Variants in LAMA2 observed in about 807,000 individuals in gnomAD.
The protein encoded by LAMA2 is laminin subunit alpha 2.
A neutral mutation model predicts 364.8 loss-of-function variants in LAMA2; 269 were observed. That is an observed-to-expected ratio of 0.74 (90% CI 0.67 to 0.82). The LOEUF (loss-of-function observed/expected upper bound fraction) is 0.82, where lower values mean the gene tolerates loss of function less well. LAMA2 is among the 40% of genes least tolerant of loss of function. The probability of loss-of-function intolerance (pLI) is 0.00; values close to 1 mark genes in which losing one functional copy is unlikely to be tolerated. For missense variants in LAMA2, 3,807 were observed against 3,873.2 expected, an observed-to-expected ratio of 0.98 and a Z score of 0.45; for synonymous variants, 1,379 against 1,370.6, an observed-to-expected ratio of 1.01 and a Z score of -0.14.
At chr6:129,376,653 A>T (rs1409468376) in intron 34 of LAMA2, among the ~76,000 whole-genome samples, 1 of 151,914 alleles carries the variant, frequency 6.6e-6, no homozygotes, top group African/African-American at 2.4e-5. Context: ...ATTGCCACAC[A>T]TTTCTTTATT....
At chr6:129,446,024 A>G (rs1350701301) in intron 45 of LAMA2, among the ~76,000 whole-genome samples, 1 of 152,184 alleles carries the variant, frequency 6.6e-6, no homozygotes, top group Non-Finnish European at 1.5e-5. Context: ...TTTCATGAGA[A>G]TGATAATCAC....
intron 27 of LAMA2, among the ~76,000 whole-genome samples, chr6:129,317,854 G>A (rs1188721379): frequency 6.6e-6 from 1 of 151,096 alleles, no homozygotes; most frequent in Non-Finnish European, 1.5e-5. Flanking sequence ...TACTTTCTTT[G>A]CTTCTCTCAC....
At chr6:129,323,897 G>A (rs1328874777) in intron 28 of LAMA2, among the ~76,000 whole-genome samples, 2 of 152,212 alleles carry the variant, frequency 1.3e-5, no homozygotes, top group East Asian at 1.9e-4. Context: ...TTGAATGGCC[G>A]GTGTCTATTG....
chr6:128,959,154 A>G (rs1430442613), intron 1 of LAMA2, among the ~76,000 whole-genome samples: 1 of 152,186 alleles, frequency 6.6e-6, no homozygotes, highest in Non-Finnish European at 1.5e-5. Flanking sequence ...AGTTTACTAC[A>G]TACATTTTAC....
intron 1 of LAMA2, among the ~76,000 whole-genome samples, chr6:129,041,817 A>G (rs550286174): frequency 6.6e-6 from 1 of 152,206 alleles, no homozygotes; most frequent in South Asian, 2.1e-4. Flanking sequence ...AGCATGGGCA[A>G]CATAGTGAGA....
intron 56 of LAMA2, among the ~76,000 whole-genome samples, chr6:129,488,285 G>A (rs570204493): frequency 5.3e-5 from 8 of 152,202 alleles, no homozygotes; most frequent in Admixed American, 5.2e-4. Context: ...ACTCCAGCCT[G>A]GGCAACAGAG....
At chr6:129,016,683 G>T (rs1338642528) in intron 1 of LAMA2, among the ~76,000 whole-genome samples, 2 of 151,828 alleles carry the variant, frequency 1.3e-5, no homozygotes, top group Non-Finnish European at 2.9e-5. Flanking sequence ...TTTGGAAAGG[G>T]TAGAGATAGG....
At chr6:129,436,819 T>C (rs565166483) in intron 41 of LAMA2, 1 of 152,306 alleles carries the variant, frequency 6.6e-6, no homozygotes, top group Admixed American at 6.5e-5. Context: ...CATAAATGAT[T>C]ATGTATGTTT....
chr6:129,161,837 CT>C (rs762947334), intron 8 of LAMA2, among the ~76,000 whole-genome samples: 2 of 152,104 alleles, frequency 1.3e-5, no homozygotes, highest in African/African-American at 4.8e-5. Flanking sequence ...TGATTTTATT[CT>C]TTTTTATGGC....
Position 129,040,463 on chromosome 6 carries a change from T to TA in LAMA2, c.113-9445dup, listed in dbSNP as rs758637430. On this transcript the variant is annotated intron_variant, in intron 1 of 64. Transcript: ENST00000421865. ...GAGCAAGATCCATCTTTACAATAAT[T>TA]AAAAAAAAAATAGAAATTAGCTGTA... is the stretch of plus-strand genomic sequence containing the variant. Among the ~76,000 whole-genome samples, 586 of 148,914 alleles carry TA rather than the reference T, an allele frequency of 3.9e-3. 5 individuals carry two copies. The highest frequency in any genetic ancestry group is 5.2e-3 in the Non-Finnish European group (346 of 67,002).
At chr6:129,366,191 A>G (rs753956249) in intron 32 of LAMA2, 28 bp from the exon 33 acceptor site, 7 of 1,612,654 alleles carry the variant, frequency 4.3e-6, no homozygotes, top group South Asian at 3.3e-5. Flanking sequence ...AGCAGAAGTA[A>G]CTACTCTTTG....
chr6:129,134,830 T>C (rs1777688270), intron 4 of LAMA2, among the ~76,000 whole-genome samples: 1 of 152,170 alleles, frequency 6.6e-6, no homozygotes, highest in Non-Finnish European at 1.5e-5. Flanking sequence ...AGCCCTCAAC[T>C]CTTAGGCATG....
intron 12 of LAMA2, among the ~76,000 whole-genome samples, chr6:129,230,195 G>A (rs1374436908): frequency 6.6e-6 from 1 of 152,110 alleles, no homozygotes; most frequent in Non-Finnish European, 1.5e-5. Context: ...AAAGTAGAAG[G>A]AAAACCACAG....
At chr6:129,362,300 T>A (rs1438106981) in intron 32 of LAMA2, among the ~76,000 whole-genome samples, 1 of 152,168 alleles carries the variant, frequency 6.6e-6, no homozygotes, top group Non-Finnish European at 1.5e-5. Context: ...TCTCTTTCTG[T>A]CTCTAAACCA....
chr6:129,059,306 G>A (rs10499147), intron 2 of LAMA2, among the ~76,000 whole-genome samples: 39,799 of 151,842 alleles, frequency 0.26, 5,362 homozygotes, highest in African/African-American at 0.31. Flanking sequence ...GACTCCCTAC[G>A]TCTTAATAAT....
chr6:129,489,876 G>C (rs1321094216), intron 56 of LAMA2, among the ~76,000 whole-genome samples: 4 of 151,676 alleles, frequency 2.6e-5, no homozygotes, highest in Non-Finnish European at 4.4e-5. Context: ...ATAAGAAATA[G>C]GGTATAAGTA....
intron 54 of LAMA2, 120 bp downstream of exon 54, chr6:129,478,933 TCTTAAACGA>T (rs1784220357): frequency 2.3e-6 from 2 of 873,542 alleles, no homozygotes; most frequent in Admixed American, 3.6e-5. Flanking sequence ...CTGATCCTAC[TCTTAAACGA>T]TAAAGCAAGA....
At chr6:129,078,934 T>C (rs1431657832) in intron 3 of LAMA2, among the ~76,000 whole-genome samples, 1 of 152,218 alleles carries the variant, frequency 6.6e-6, no homozygotes, top group South Asian at 2.1e-4. Flanking sequence ...CAACATAGTG[T>C]CTTCGAGATT....
intron 62 of LAMA2, among the ~76,000 whole-genome samples, chr6:129,510,292 C>A (rs1227328894): frequency 6.6e-6 from 1 of 152,096 alleles, no homozygotes; most frequent in Non-Finnish European, 1.5e-5. Flanking sequence ...ATACAAAAAT[C>A]AGTAACATTT....
Sources: allele counts gnomAD v4.1 joint callset (sites outside exome capture counted in the v4.1 genomes callset), GRCh38; gene constraint gnomAD v4.1.1; transcripts MANE v1.5; gene names NCBI Gene and HGNC (gene_info 2026-07-23, HGNC 2026-07-21).